Variants in RASA1 observed in about 807,000 individuals in gnomAD.
RASA1 encodes the protein RAS p21 protein activator 1, also known as ras GTPase-activating protein 1.
In RASA1, 25 loss-of-function variants were observed where a neutral mutation model predicts 132.2. The observed-to-expected ratio is 0.19, with a 90% confidence interval of 0.14 to 0.26. The LOEUF is 0.26. Among genes scored for constraint, RASA1 ranks in the 10% least tolerant of loss-of-function variants. RASA1 has a pLI of 1.00. For missense variants in RASA1, 964 were observed against 1,299.2 expected, an observed-to-expected ratio of 0.74 and a Z score of 3.97; for synonymous variants, 477 against 449.9, an observed-to-expected ratio of 1.06 and a Z score of -0.76.
At chr5:87,286,461 T>G (rs969521242) in intron 1 of RASA1, among the ~76,000 whole-genome samples, 5 of 151,934 alleles carry the variant, frequency 3.3e-5, no homozygotes, top group African/African-American at 7.3e-5. Context: ...CCTGATACAT[T>G]ATGACACAGA....
At chr5:87,287,061 T>C (rs1220880357) in intron 1 of RASA1, among the ~76,000 whole-genome samples, 3 of 145,266 alleles carry the variant, frequency 2.1e-5, no homozygotes, top group Non-Finnish European at 3.0e-5. Flanking sequence ...ATACCCCATG[T>C]ATATACACAC....
At chr5:87,325,998 G>GTC (rs1281293792) in intron 1 of RASA1, among the ~76,000 whole-genome samples, 1 of 151,966 alleles carries the variant, frequency 6.6e-6, no homozygotes, top group Non-Finnish European at 1.5e-5. Flanking sequence ...CTGTGACAGG[G>GTC]TCTCTCTCTG....
At chr5:87,379,529 T>C (rs1005592302) in intron 18 of RASA1, among the ~76,000 whole-genome samples, 2 of 152,192 alleles carry the variant, frequency 1.3e-5, no homozygotes, top group Non-Finnish European at 1.5e-5. Flanking sequence ...AGTTGGCTAA[T>C]TGGGAATAAA....
chr5:87,310,017 G>C (rs1382419254), intron 1 of RASA1, among the ~76,000 whole-genome samples: 1 of 152,032 alleles, frequency 6.6e-6, no homozygotes, highest in East Asian at 1.9e-4. Context: ...TTGGAGGCAG[G>C]GCTTTACCAG....
chr5:87,301,209 TTATGTA>T (rs1215603251), intron 1 of RASA1, among the ~76,000 whole-genome samples: 2 of 152,086 alleles, frequency 1.3e-5, no homozygotes, highest in Admixed American at 1.3e-4. Context: ...AATGTTTTAT[TTATGTA>T]TATGTATAAT....
intron 1 of RASA1, among the ~76,000 whole-genome samples, chr5:87,312,665 G>T (rs1227639934): frequency 1.3e-5 from 2 of 152,126 alleles, no homozygotes; most frequent in African/African-American, 2.4e-5. Context: ...TTTGCAACTG[G>T]AATCTCAGGG....
chr5:87,338,536 A>ATATATATATATTTTTTTTTT, intron 5 of RASA1, among the ~76,000 whole-genome samples: 1 of 85,220 alleles, frequency 1.2e-5, no homozygotes, highest in African/African-American at 4.4e-5. Context: ...TATATATAAA[A>ATATATATATATTTTTTTTTT]TTTTTTTTTT....
At chr5:87,287,554 T>C (rs1580202138) in intron 1 of RASA1, among the ~76,000 whole-genome samples, 1 of 145,948 alleles carries the variant, frequency 6.9e-6, no homozygotes, top group Middle Eastern at 3.8e-3. Flanking sequence ...ACACACCATA[T>C]ATATACACCA....
intron 1 of RASA1, among the ~76,000 whole-genome samples, chr5:87,278,176 T>A (rs535029167): frequency 6.6e-6 from 1 of 152,324 alleles, no homozygotes; most frequent in African/African-American, 2.4e-5. Flanking sequence ...CTTTTCTATC[T>A]AAATGTTGAT....
At chr5:87,350,494 T>C (rs2112424740) in intron 8 of RASA1, among the ~76,000 whole-genome samples, 2 of 151,948 alleles carry the variant, frequency 1.3e-5, no homozygotes, top group East Asian at 3.9e-4. Flanking sequence ...ATAAAATAAT[T>C]TACATGAATT....
At chr5:87,351,058 A>G (rs905055634) in intron 8 of RASA1, among the ~76,000 whole-genome samples, 4 of 151,702 alleles carry the variant, frequency 2.6e-5, no homozygotes, top group African/African-American at 4.8e-5. Flanking sequence ...GAACACAGCC[A>G]TACTCTGCTG....
chr5:87,362,894 CT>C (rs1760221059), intron 10 of RASA1, among the ~76,000 whole-genome samples: 1 of 149,186 alleles, frequency 6.7e-6, no homozygotes. Flanking sequence ...TTCTTTTTTT[CT>C]TTCTTTCTTT....
intron 9 of RASA1, among the ~76,000 whole-genome samples, chr5:87,357,982 G>C (rs1019215899): frequency 1.3e-5 from 2 of 152,198 alleles, no homozygotes; most frequent in African/African-American, 2.4e-5. Flanking sequence ...GTGATGAAAA[G>C]TTGGTTTTAG....
chr5:87,379,632 C>T (rs1372087689), intron 18 of RASA1, 103 bp from the exon 19 acceptor site: 10 of 1,476,780 alleles, frequency 6.8e-6, no homozygotes, highest in Admixed American at 4.6e-5. Flanking sequence ...ACAGAGATAC[C>T]GAAAAATAGA....
chr5:87,307,402 A>G (rs560705552), intron 1 of RASA1, among the ~76,000 whole-genome samples: 1 of 152,250 alleles, frequency 6.6e-6, no homozygotes, highest in African/African-American at 2.4e-5. Flanking sequence ...CGGAGCTTGC[A>G]GTGAGCCGAG....
At chr5:87,342,611 A>T (rs1030595357) in intron 6 of RASA1, among the ~76,000 whole-genome samples, 15 of 152,204 alleles carry the variant, frequency 9.9e-5, no homozygotes, top group African/African-American at 3.4e-4. Context: ...AGGTACATGG[A>T]ACTGTGTCCC....
At chr5:87,338,391 G>C (rs1026846540) in intron 5 of RASA1, among the ~76,000 whole-genome samples, 3 of 149,674 alleles carry the variant, frequency 2.0e-5, no homozygotes, top group Non-Finnish European at 4.5e-5. Context: ...GAGTGCAGTG[G>C]CGTGATCTCG....
At chr5:87,348,705 C>T (rs1475209696) in intron 7 of RASA1, among the ~76,000 whole-genome samples, 2 of 151,376 alleles carry the variant, frequency 1.3e-5, no homozygotes, top group Non-Finnish European at 1.5e-5. Flanking sequence ...CTCCTGGGCT[C>T]AAGTGATCCT....
intron 1 of RASA1, among the ~76,000 whole-genome samples, chr5:87,270,393 G>T (rs1753773358): frequency 1.3e-5 from 2 of 149,320 alleles, no homozygotes; most frequent in African/African-American, 4.9e-5. Flanking sequence ...TGTTGCCCAG[G>T]CTGGAGTGCA....
Sources: gnomAD v4.1 joint callset for allele counts (sites outside exome capture counted in the v4.1 genomes callset) on GRCh38, gnomAD v4.1.1 for gene constraint, MANE v1.5 for transcripts, NCBI Gene and HGNC (gene_info 2026-07-23, HGNC 2026-07-21) for gene names.